The following USP30 variants were observed in gnomAD, a reference collection of about 807,000 sequenced individuals.
USP30 encodes the protein ubiquitin specific peptidase 30, also known as ubiquitin carboxyl-terminal hydrolase 30.
USP30 carries 41 observed loss-of-function variants against 68.2 expected under a neutral mutation model. The ratio of observed to expected loss-of-function variants is 0.60; its 90% CI spans 0.47 to 0.78. USP30 has a LOEUF of 0.78. Among genes scored for constraint, USP30 ranks in the 30% least tolerant of loss-of-function variants. The probability of loss-of-function intolerance (pLI) is 0.00; values close to 1 mark genes in which losing one functional copy is unlikely to be tolerated. For synonymous variants in USP30, 229 were observed against 253.7 expected, an observed-to-expected ratio of 0.90 and a Z score of 0.93; for missense variants, 522 against 649.4, an observed-to-expected ratio of 0.80 and a Z score of 2.13.
At chr12:109,055,400 A>ATTTTTT (rs869090869) in intron 1 of USP30, among the ~76,000 whole-genome samples, 32 of 24,466 alleles carry the variant, frequency 1.3e-3, no homozygotes, top group Non-Finnish European at 2.4e-3. Context: ...ATATATATAT[A>ATTTTTT]TTTTTTTTTT....
At chr12:109,032,394 T>C (rs2040489094) in intron 3 of USP30, among the ~76,000 whole-genome samples, 2 of 152,232 alleles carry the variant, frequency 1.3e-5, no homozygotes, top group Admixed American at 1.3e-4. Flanking sequence ...AAGTCAAATG[T>C]TTATCAAATG....
At chr12:109,078,297 G>A (rs1476886542) in intron 7 of USP30, among the ~76,000 whole-genome samples, 6 of 152,108 alleles carry the variant, frequency 3.9e-5, no homozygotes, top group East Asian at 1.9e-4. Flanking sequence ...GGTGGCGGGC[G>A]TCTGTAATCC....
At chr12:109,067,107 A>ATTTTTT (rs754748366) in intron 3 of USP30, among the ~76,000 whole-genome samples, 42 of 104,544 alleles carry the variant, frequency 4.0e-4, no homozygotes, top group East Asian at 8.2e-4. Flanking sequence ...ACAGTCCTTA[A>ATTTTTT]TTTTTTTTTT....
intron 9 of USP30, 41 bp from the exon 10 acceptor site, chr12:109,082,622 A>G: frequency 1.2e-6 from 2 of 1,600,188 alleles, no homozygotes; most frequent in Non-Finnish European, 1.7e-6. Flanking sequence ...AAGCTGTCCT[A>G]TTTTAGGCAT....
At chr12:109,079,333 C>T (rs372549231) in intron 7 of USP30, among the ~76,000 whole-genome samples, 73 of 34,502 alleles carry the variant, frequency 2.1e-3, no homozygotes, top group South Asian at 6.9e-3. Flanking sequence ...TTTTTCTTTT[C>T]TTTTTCTTTT....
At chr12:109,085,613 A>G (rs751109935) in intron 12 of USP30, 54 bp from the exon 13 acceptor site, 17 of 1,593,802 alleles carry the variant, frequency 1.1e-5, no homozygotes, top group Admixed American at 1.7e-5. Context: ...GTTTTTGCCT[A>G]TAAAGTCTTT....
At chr12:109,066,143 T>C (rs911155436) in intron 3 of USP30, among the ~76,000 whole-genome samples, 2 of 150,346 alleles carry the variant, frequency 1.3e-5, no homozygotes, top group Admixed American at 1.3e-4. Context: ...TCCCAGCTGC[T>C]CAGGAGGCCA....
upstream of USP30, among the ~76,000 whole-genome samples, chr12:109,049,473 C>T (rs1304739572): frequency 1.3e-5 from 2 of 152,148 alleles, no homozygotes; most frequent in Non-Finnish European, 2.9e-5. Flanking sequence ...ACAATAGTAA[C>T]ATTAAGGATC....
intron 3 of USP30, among the ~76,000 whole-genome samples, chr12:109,065,609 G>T (rs989487262): frequency 2.0e-5 from 3 of 152,210 alleles, no homozygotes; most frequent in Non-Finnish European, 4.4e-5. Flanking sequence ...ACATACAGAT[G>T]TAAGATTTGA....
upstream of USP30, chr12:109,052,453 G>A (rs988974431): frequency 2.1e-4 from 85 of 406,762 alleles, no homozygotes; most frequent in Non-Finnish European, 3.5e-4. Context: ...CGACGCCGGG[G>A]CCTGTTGCTA....
intron 3 of USP30, among the ~76,000 whole-genome samples, chr12:109,043,367 C>T (rs1043814041): frequency 6.6e-6 from 1 of 152,140 alleles, no homozygotes; most frequent in Non-Finnish European, 1.5e-5. Flanking sequence ...CTAATCAAAA[C>T]AGTATGATAC....
intron 2 of USP30, 139 bp downstream of exon 2, chr12:109,056,930 G>T: frequency 1.9e-6 from 1 of 537,982 alleles, no homozygotes; most frequent in Non-Finnish European, 3.2e-6. Context: ...TTTTCAAACA[G>T]TACTTTTACC....
In USP30 at chr12:109,082,726, C is replaced by G; in HGVS notation, c.931C>G (p.Gln311Glu). The G allele has an allele frequency of 1.9e-6, 3 of 1,614,134 alleles. No individual in the cohort carries two copies. The highest frequency in any genetic ancestry group is 2.5e-6 in the Non-Finnish European group (3 of 1,179,996). The change falls in exon 10 of 13, where the codon CAG becomes GAG. Residue 311 changes from glutamine (Q) to glutamate (E), a missense_variant. Physicochemically the swap from Gln to Glu is conservative, Grantham distance 29 (BLOSUM62 2). Transcript: ENST00000257548. The stretch of plus-strand genomic sequence containing the variant: ...ACACCAGAGGACCACTTTTGTTAAA[C>G]AGTTAAAACTAGGGAAGGTGAGCCC... ...VEHQRTTFVK[Q>E]LKLGKLPQCL...
Position 109,086,772 on chromosome 12 carries a change from ATC to A in USP30, c.*843_*844del, listed in dbSNP as rs2041956571. ...GGATCCACTGTGGACGGTTACTTTC[ATC>A]TGTTTATTTATTGCCCATGCAGAGC... On this transcript the variant is annotated 3_prime_UTR_variant, in exon 13 of 13. Transcript: ENST00000257548. The A allele has an allele frequency of 6.6e-6, 1 of 152,218 alleles. No individual in the cohort carries two copies. The highest frequency in any genetic ancestry group is 6.5e-5 in the Admixed American group (1 of 15,274). The allele number at this position is 152,218 out of a possible 1,614,324, so 9.4% of individuals were successfully genotyped here.
chr12:109,052,504 C>T, upstream of USP30: 1 of 497,664 alleles, frequency 2.0e-6, no homozygotes, highest in Non-Finnish European at 3.3e-6. Context: ...AGCTATTGCT[C>T]TCCGGGGGCA....
intron 3 of USP30, among the ~76,000 whole-genome samples, chr12:109,061,265 T>G (rs1372621386): frequency 1.3e-5 from 2 of 152,132 alleles, no homozygotes; most frequent in African/African-American, 4.8e-5. Context: ...ATCCTAACCC[T>G]GACCTCAGCA....
upstream of USP30, chr12:109,052,546 C>A: frequency 2.4e-6 from 2 of 842,184 alleles, no homozygotes; most frequent in Non-Finnish European, 3.4e-6. Context: ...AGCTGTCCTG[C>A]GGTCTACGTT....
chr12:109,077,088 A>G (rs1024000665), intron 7 of USP30, among the ~76,000 whole-genome samples: 3 of 152,144 alleles, frequency 2.0e-5, no homozygotes, highest in African/African-American at 7.2e-5. Context: ...CCACTTGATC[A>G]TGATGCTTTA....
intron 7 of USP30, among the ~76,000 whole-genome samples, chr12:109,076,602 T>G (rs916939253): frequency 3.3e-5 from 5 of 152,180 alleles, no homozygotes; most frequent in Non-Finnish European, 7.4e-5. Flanking sequence ...ACTTCCCTTC[T>G]GTTCCTAGTT....
Sources: allele counts gnomAD v4.1 joint callset (sites outside exome capture counted in the v4.1 genomes callset), GRCh38; gene constraint gnomAD v4.1.1; transcripts MANE v1.5; gene names NCBI Gene and HGNC (gene_info 2026-07-23, HGNC 2026-07-21).